ADA: variants seen among roughly 807,000 people sequenced by gnomAD.
ADA encodes adenosine aminohydrolase.
In ADA, 45 loss-of-function variants were observed where a neutral mutation model predicts 49.0. The observed-to-expected ratio is 0.92, with a 90% CI of 0.72 to 1.18. The LOEUF is 1.18. Ranked by LOEUF, ADA falls within the 50% of genes most tolerant of loss-of-function variation. The pLI is 0.00. For synonymous variants in ADA, 173 were observed against 184.2 expected (o/e 0.94, Z 0.49); for missense variants, 445 against 472.5 (o/e 0.94, Z 0.54).
At position 44,620,333 on chromosome 20, in the gene ADA, A is replaced by G. The variant is rs1320932911; in HGVS notation, c.1044T>C (p.Tyr348=). Residue 348 remains tyrosine (Y), a synonymous_variant, in exon 11 of 12, where the codon TAT becomes TAC. Transcript: ENST00000372874. ...DEKRELLDLL[Y]KAYGMPPSAS... is the part of the protein sequence containing the mutation. ...CTGAAGGTGGCATCCCATAGGCTTT[A>G]TAGAGCAGGTCGAGAAGCTCCCTCT... The G allele has an allele frequency of 5.6e-6, 9 of 1,614,118 alleles. No homozygotes were observed. Among genetic ancestry groups the G allele is most frequent in the Non-Finnish European group, 4.2e-6 (5 of 1,180,050 alleles).
intron 2 of ADA, 60 bp from the exon 3 acceptor site, chr20:44,629,229 G>C: frequency 6.2e-7 from 1 of 1,611,294 alleles, no homozygotes; most frequent in Non-Finnish European, 8.5e-7. Context: ...AGGCCTGACA[G>C]GCCAGGATGG....
rs770723333 is a variant in ADA, at chr20:44,651,566, C to A, written c.33+9G>T. ...GACCCCCGTCCCCGGAGCCCCCGCGCGCGCTCACTTTGGGCTTGTCGAAGG... is the reference window on the plus strand; with the variant it reads ...GACCCCCGTCCCCGGAGCCCCCGCGAGCGCTCACTTTGGGCTTGTCGAAGG... On this transcript the variant is annotated intron_variant, in intron 1 of 11. Transcript: ENST00000372874. The A allele has an allele frequency of 2.6e-6, 4 of 1,537,116 alleles. No individual in the cohort carries two copies. The East Asian group carries it at 7.3e-5, about 28-fold the overall frequency.
chr20:44,639,373 TGA>T (rs1366879961), intron 1 of ADA, among the ~76,000 whole-genome samples: 2 of 151,616 alleles, frequency 1.3e-5, no homozygotes, highest in East Asian at 3.9e-4. Context: ...GAGGGAGGCA[TGA>T]TTGGTTTGGT....
chr20:44,622,650 G>A lies in ADA; in HGVS notation c.783C>T (p.Ile261=). 6.2e-7 allele frequency: 1 copy of A among 1,614,224 alleles called. No individual in the cohort carries two copies. The change falls in exon 9 of 12, where the codon ATC becomes ATT. Residue 261 remains isoleucine, a splice_region_variant and synonymous_variant. Transcript: ENST00000372874. ...RLRQENMHFE[I]CPWSSYLTGA... is the part of the protein sequence containing the mutation. ...CAGTGAGGTAGCTGGACCAGGGGCA[G>A]ATCTGGAAGAGCAGGTGTGTGGCTG...
At position 44,620,390 on chromosome 20, in the gene ADA, C is replaced by T. The variant is rs767364662; in HGVS notation, c.987G>A (p.Ala329=). The change falls in exon 11 of 12, where the codon GCG becomes GCA. Residue 329 remains alanine, a synonymous_variant. Transcript: ENST00000372874. ...EEEFKRLNIN[A]AKSSFLPEDE... ...CTTCTGGGAGGAAACTAGATTTGGC[C>T]GCATTGATGTTCTGGAAAGGCCAGA... is the stretch of plus-strand genomic sequence containing the variant. 15 of 1,614,160 alleles carry T rather than the reference C, an allele frequency of 9.3e-6. No homozygotes were observed. The highest frequency in any genetic ancestry group is 2.2e-5 in the South Asian group (2 of 91,084).
At chr20:44,619,883 A>C in intron 11 of ADA, 36 bp from the exon 12 acceptor site, 1 of 1,614,022 alleles carries the variant, frequency 6.2e-7, no homozygotes, top group East Asian at 2.2e-5. Context: ...AAGATCAGGC[A>C]ACTTGTAGTA....
At chr20:44,635,637 G>A (rs1441391750) in intron 2 of ADA, among the ~76,000 whole-genome samples, 1 of 152,178 alleles carries the variant, frequency 6.6e-6, no homozygotes, top group Non-Finnish European at 1.5e-5. Context: ...AGTGGCTCAT[G>A]CCTGTAATCC....
Position 44,642,831 on chromosome 20 carries a change from G to A in ADA, c.34-6543C>T, listed in dbSNP as rs73300351. On this transcript the variant is annotated intron_variant, in intron 1 of 11. Transcript: ENST00000372874. ...CGTCAGAGACAGTGGGTGCTCAGCG[G>A]GGCAGAAGCCAGACAGTGCCGGGGT... 3.4e-3 allele frequency among the ~76,000 whole-genome samples: 516 copies of A among 152,326 alleles called. 4 individuals carry two copies. Among genetic ancestry groups the A allele is most frequent in the African/African-American group, 0.012 (481 of 41,570 alleles).
At chr20:44,623,980 C>T in intron 6 of ADA, 1 of 583,352 alleles carries the variant, frequency 1.7e-6, no homozygotes, top group Non-Finnish European at 3.1e-6. Flanking sequence ...CTCCTAGGCT[C>T]AAGCAATCCT....
At position 44,626,584 on chromosome 20, in the gene ADA, A is replaced by G. The variant is rs2145320017; in HGVS notation, c.234T>C (p.Ala78=). 6.2e-7 allele frequency: 1 copy of G among 1,614,122 alleles called. No individual in the cohort carries two copies. The highest frequency in any genetic ancestry group is 8.5e-7 in the Non-Finnish European group (1 of 1,180,026). The part of the protein sequence containing the change: ...YMPAIAGCRE[A]IKRIAYEFVE... ...CAAACTCATAGGCGATCCTTTTGAT[A>G]GCCTCCCGGCAGCCCCTGGGAAGGG... The change falls in exon 4 of 12, where the codon GCT becomes GCC. Residue 78 remains alanine (A), a synonymous_variant. Coordinates refer to ENST00000372874, the MANE Select transcript of ADA (RefSeq NM_000022.4).
chr20:44,620,619 T>G, intron 10 of ADA: 1 of 619,690 alleles, frequency 1.6e-6, no homozygotes, highest in South Asian at 1.8e-5. Flanking sequence ...GAGAAGGAAG[T>G]TGGAGAAACC....
At chr20:44,630,916 AG>A (rs1284733864) in intron 2 of ADA, among the ~76,000 whole-genome samples, 1 of 152,174 alleles carries the variant, frequency 6.6e-6, no homozygotes, top group African/African-American at 2.4e-5. Flanking sequence ...TGGGAGGCTA[AG>A]GTGGGAGGAC....
At chr20:44,647,784 G>A (rs370726868) in intron 1 of ADA, among the ~76,000 whole-genome samples, 11 of 152,158 alleles carry the variant, frequency 7.2e-5, no homozygotes, top group African/African-American at 2.7e-4. Flanking sequence ...GGGCGTGGTG[G>A]TGGACGCCTG....
Position 44,636,929 on chromosome 20 carries a change from C to T in ADA, c.34-641G>A, listed in dbSNP as rs796582505. On this transcript the variant is annotated intron_variant, in intron 1 of 11. Coordinates refer to ENST00000372874, the MANE Select transcript of ADA (RefSeq NM_000022.4). Reference sequence around the variant, plus strand: ...CAAGCAATTCTTGTGCCTCAGCCTCCGGAGTAGCTGGGACTATAGGCAGGT... The same window carrying T: ...CAAGCAATTCTTGTGCCTCAGCCTCTGGAGTAGCTGGGACTATAGGCAGGT... Among the ~76,000 whole-genome samples the T allele has an allele frequency of 7.2e-5, 11 of 152,098 alleles. No individual in the cohort carries two copies. The South Asian group carries it at 1.2e-3, about 17-fold the overall frequency.
intron 1 of ADA, among the ~76,000 whole-genome samples, chr20:44,641,465 C>T (rs988016549): frequency 3.1e-5 from 4 of 128,440 alleles, no homozygotes; most frequent in African/African-American, 1.0e-4. Context: ...TTGGAGGGGG[C>T]AGGACGTGCA....
chr20:44,619,871 A>G (rs2123505722), intron 11 of ADA, 24 bp from the exon 12 acceptor site: 1 of 1,614,142 alleles, frequency 6.2e-7, no homozygotes, highest in South Asian at 1.1e-5. Flanking sequence ...CAGAGAAGCA[A>G]AAAGATCAGG....
intron 3 of ADA, among the ~76,000 whole-genome samples, chr20:44,627,857 T>C (rs2145322373): frequency 6.6e-6 from 1 of 152,338 alleles, no homozygotes; most frequent in South Asian, 2.1e-4. Context: ...TGACCCCTGG[T>C]TAGTCACCCT....
intron 2 of ADA, 168 bp downstream of exon 2, chr20:44,636,059 T>G: frequency 1.5e-6 from 1 of 685,764 alleles, no homozygotes; most frequent in Middle Eastern, 3.9e-4. Context: ...TCCAGCTCAG[T>G]GCTGAGGCCT....
intron 11 of ADA, 90 bp downstream of exon 11, chr20:44,620,209 G>A (rs2065315138): frequency 8.6e-7 from 1 of 1,163,582 alleles, no homozygotes; most frequent in Admixed American, 1.7e-5. Flanking sequence ...CGCTGCCCAA[G>A]AATGGAAGGG....
Sources: gnomAD v4.1 joint callset for allele counts (sites outside exome capture counted in the v4.1 genomes callset) on GRCh38, gnomAD v4.1.1 for gene constraint, MANE v1.5 for transcripts, NCBI Gene and HGNC (gene_info 2026-07-23, HGNC 2026-07-21) for gene names.